USP15: variants seen among roughly 807,000 people sequenced by gnomAD.
USP15 encodes ubiquitin carboxyl-terminal hydrolase 15.
In USP15, 18 loss-of-function variants were observed where a neutral mutation model predicts 127.1. The ratio of observed to expected loss-of-function variants is 0.14; its 90% CI spans 0.10 to 0.21. The LOEUF is 0.21. Among genes scored for constraint, USP15 ranks in the 10% least tolerant of loss-of-function variants. The pLI is 1.00. For missense variants in USP15, 805 were observed against 1,159.9 expected (o/e 0.69, Z 4.44); for synonymous variants, 364 against 393.7 (o/e 0.92, Z 0.89).
chr12:62,346,259 A>G (rs919264373), intron 6 of USP15, among the ~76,000 whole-genome samples: 1 of 152,128 alleles, frequency 6.6e-6, no homozygotes. Context: ...AAAATCAATA[A>G]TTTTTTATTT....
At chr12:62,312,466 A>G (rs1267923832) in intron 3 of USP15, among the ~76,000 whole-genome samples, 1 of 151,744 alleles carries the variant, frequency 6.6e-6, no homozygotes, top group Admixed American at 6.6e-5. Flanking sequence ...GTAAACTTAT[A>G]TGTAGCTCAA....
intron 3 of USP15, among the ~76,000 whole-genome samples, chr12:62,309,566 A>G (rs963454946): frequency 1.4e-4 from 22 of 152,086 alleles, no homozygotes; most frequent in Non-Finnish European, 3.2e-4. Context: ...TTATAAGGCT[A>G]GCATAAACAT....
chr12:62,412,875 A>T lies in USP15; in HGVS notation c.*8500A>T, dbSNP rs1217616093. The T allele has an allele frequency of 1.3e-5, 2 of 152,236 alleles. No homozygotes were observed. Among genetic ancestry groups the T allele is most frequent in the African/African-American group, 4.8e-5 (2 of 41,464 alleles). The allele number at this position is 152,236 out of a possible 1,614,324, so 9.4% of individuals were successfully genotyped here. ...TGATATTTTGACTCCCATGAATCAC[A>T]AATATTCTGAATGAATGGCATCCAG... On this transcript the variant is annotated 3_prime_UTR_variant, in exon 22 of 22. Transcript: ENST00000280377.
intron 5 of USP15, among the ~76,000 whole-genome samples, chr12:62,323,751 C>G (rs1234345933): frequency 6.6e-6 from 1 of 152,140 alleles, no homozygotes; most frequent in East Asian, 1.9e-4. Flanking sequence ...CAGCAATCCT[C>G]TGAAATGAGT....
chr12:62,381,570 A>G lies in USP15; in HGVS notation c.996A>G (p.Leu332=). The part of the protein sequence containing the change: ...YQEELNFDNP[L]GMRGEIAKSY... Reference sequence around the variant, plus strand: ...AAGAACTGAATTTTGACAATCCCTTAGGAATGAGAGGTGAAATAGCTAAAT... The same window carrying G: ...AAGAACTGAATTTTGACAATCCCTTGGGAATGAGAGGTGAAATAGCTAAAT... The change falls in exon 9 of 22, where the codon TTA becomes TTG. Residue 332 remains leucine, a synonymous_variant. Transcript: ENST00000280377. 1 of 1,613,230 alleles carries G rather than the reference A, an allele frequency of 6.2e-7. No individual in the cohort carries two copies. Among genetic ancestry groups the G allele is most frequent in the Non-Finnish European group, 8.5e-7 (1 of 1,179,372 alleles).
At chr12:62,345,119 C>T (rs1192656841) in intron 6 of USP15, among the ~76,000 whole-genome samples, 1 of 152,202 alleles carries the variant, frequency 6.6e-6, no homozygotes, top group Admixed American at 6.5e-5. Flanking sequence ...ATTTCTATTG[C>T]ATTGTCAGGC....
At chr12:62,394,357 TG>T (rs1345486153) in intron 19 of USP15, among the ~76,000 whole-genome samples, 2 of 152,298 alleles carry the variant, frequency 1.3e-5, no homozygotes, top group Non-Finnish European at 2.9e-5. Context: ...TAAAGGCAGG[TG>T]TATCTATAAA....
chr12:62,401,763 A>G (rs959695863), intron 21 of USP15, among the ~76,000 whole-genome samples: 3 of 151,624 alleles, frequency 2.0e-5, no homozygotes, highest in Admixed American at 6.6e-5. Flanking sequence ...TGTACTTACT[A>G]CTTTGATATT....
chr12:62,312,908 C>T (rs560462263), intron 3 of USP15, among the ~76,000 whole-genome samples: 25 of 151,510 alleles, frequency 1.7e-4, no homozygotes, highest in Middle Eastern at 3.5e-3. Flanking sequence ...CACATTGATT[C>T]GTAAATGTGC....
At chr12:62,313,339 A>G (rs571058135) in intron 3 of USP15, among the ~76,000 whole-genome samples, 37 of 151,794 alleles carry the variant, frequency 2.4e-4, no homozygotes, top group South Asian at 2.1e-3. Flanking sequence ...ATACCTCAAT[A>G]TAAATCATAA....
chr12:62,364,673 C>T (rs904286098), intron 8 of USP15, among the ~76,000 whole-genome samples: 6 of 152,004 alleles, frequency 3.9e-5, no homozygotes, highest in Non-Finnish European at 8.8e-5. Flanking sequence ...CAACCTGTCA[C>T]CTTCATTAGG....
At chr12:62,376,881 A>G (rs182455449) in intron 8 of USP15, among the ~76,000 whole-genome samples, 37 of 152,286 alleles carry the variant, frequency 2.4e-4, no homozygotes, top group Admixed American at 1.2e-3. Flanking sequence ...CTACCTACAC[A>G]TGGAAGATTT....
chr12:62,295,445 A>AAATACTCAAGC (rs2064101763), intron 2 of USP15, among the ~76,000 whole-genome samples: 1 of 152,240 alleles, frequency 6.6e-6, no homozygotes, highest in Non-Finnish European at 1.5e-5. Flanking sequence ...TATTTATAAG[A>AAATACTCAAGC]ATACAAAAAT....
chr12:62,390,753 G>T (rs950817149), intron 14 of USP15, 111 bp from the exon 15 acceptor site: 1 of 593,986 alleles, frequency 1.7e-6, no homozygotes, highest in Non-Finnish European at 2.9e-6. Flanking sequence ...AATCTACTAA[G>T]TGACCACTGT....
intron 7 of USP15, 67 bp from the exon 8 acceptor site, chr12:62,355,264 A>C: frequency 7.4e-7 from 1 of 1,355,032 alleles, no homozygotes; most frequent in Non-Finnish European, 9.9e-7. Context: ...AATAGGCCTA[A>C]AGTACTCTTT....
chr12:62,279,267 C>G (rs2063581963), intron 1 of USP15: 1 of 152,150 alleles, frequency 6.6e-6, no homozygotes, highest in African/African-American at 2.4e-5. Flanking sequence ...TTCTGTGACT[C>G]ATTTACTTCA....
At chr12:62,298,287 G>C (rs1206393776) in intron 2 of USP15, among the ~76,000 whole-genome samples, 5 of 152,124 alleles carry the variant, frequency 3.3e-5, no homozygotes, top group Admixed American at 2.0e-4. Context: ...CACTGTGGGA[G>C]GCCAAAGTGG....
chr12:62,390,398 C>A (rs1321257834), intron 14 of USP15, among the ~76,000 whole-genome samples: 1 of 152,076 alleles, frequency 6.6e-6, no homozygotes, highest in Non-Finnish European at 1.5e-5. Context: ...TATTGTAAGG[C>A]AGCCTATTTT....
At chr12:62,286,950 A>AAG (rs1565819439) in intron 1 of USP15, among the ~76,000 whole-genome samples, 1 of 151,914 alleles carries the variant, frequency 6.6e-6, no homozygotes, top group African/African-American at 2.4e-5. Flanking sequence ...AAAAAAAAAA[A>AAG]AAGTGATACA....
Sources: gnomAD v4.1 joint callset for allele counts (sites outside exome capture counted in the v4.1 genomes callset) on GRCh38, gnomAD v4.1.1 for gene constraint, MANE v1.5 for transcripts, NCBI Gene and HGNC (gene_info 2026-07-23, HGNC 2026-07-21) for gene names.